The following SEPTIN11 variants were observed in gnomAD, a reference collection of about 807,000 sequenced individuals.
The protein encoded by SEPTIN11 is septin-11.
Under a neutral mutation model 51.4 loss-of-function variants are expected in SEPTIN11, and 25 were observed. That is an observed-to-expected ratio of 0.49 (90% CI 0.35 to 0.68). The LOEUF is 0.68. Ranked by LOEUF, SEPTIN11 falls within the 30% of genes least tolerant of loss-of-function variation. The probability of loss-of-function intolerance (pLI) is 0.00; values close to 1 mark genes in which losing one functional copy is unlikely to be tolerated. For missense variants in SEPTIN11, 381 were observed against 520.8 expected (o/e 0.73, Z 2.61); for synonymous variants, 174 against 184.1 (o/e 0.95, Z 0.44).
rs1578218470 is a variant in SEPTIN11 at position 77,036,543 on chromosome 4, G to T, written c.*2031G>T. 4.3e-6 allele frequency: 6 copies of T among 1,397,126 alleles called. No individual in the cohort carries two copies. In the South Asian group the frequency reaches 9.6e-5, roughly 22 times the overall value. 86.5% of individuals were successfully genotyped at this position (1,397,126 alleles called of 1,614,324 possible). A position where few individuals can be genotyped will look rare whatever the true frequency, so the allele number is the denominator to read the frequency against. ...ACGAAAGGCATCCAGCTGACTTTTT[G>T]ATTCCAAGATTATTGATTGGATTGA... is the stretch of plus-strand genomic sequence containing the variant. On this transcript the variant is annotated 3_prime_UTR_variant, in exon 10 of 10. Transcript: ENST00000264893.
chr4:77,034,794 G>C lies in SEPTIN11; in HGVS notation c.*282G>C. 1 of 1,133,538 alleles carries C rather than the reference G, an allele frequency of 8.8e-7. No individual in the cohort carries two copies. Among genetic ancestry groups the C allele is most frequent in the South Asian group, 4.0e-5 (1 of 25,020 alleles). 70.2% of individuals were successfully genotyped at this position (1,133,538 alleles called of 1,614,324 possible). ...CTGAATGGCAGCACGAAGCAGGCCT[G>C]TTACTTGTATGTCGCTTTGGACAGA... On this transcript the variant is annotated 3_prime_UTR_variant, in exon 10 of 10. Transcript: ENST00000264893.
At chr4:76,953,850 C>T (rs909115572) in intron 1 of SEPTIN11, among the ~76,000 whole-genome samples, 3 of 151,590 alleles carry the variant, frequency 2.0e-5, no homozygotes, top group African/African-American at 7.3e-5. Flanking sequence ...AAAAGGAGAC[C>T]CAAGGAATTG....
At chr4:77,023,762 A>G (rs1428037411) in intron 7 of SEPTIN11, among the ~76,000 whole-genome samples, 2 of 152,118 alleles carry the variant, frequency 1.3e-5, no homozygotes, top group Non-Finnish European at 2.9e-5. Context: ...AGCGGGAGGA[A>G]TGGAGTGAGG....
At chr4:76,996,004 T>G in intron 1 of SEPTIN11, 1 of 1,408,950 alleles carries the variant, frequency 7.1e-7, no homozygotes, top group Non-Finnish European at 9.7e-7. Context: ...TCAAAGTTCT[T>G]TTATGTATCT....
chr4:77,034,573 G>T lies in SEPTIN11; in HGVS notation c.*61G>T. On this transcript the variant is annotated 3_prime_UTR_variant, in exon 10 of 10. Transcript: ENST00000264893. ...GCTTTTGCAGTAATATCGTATCTCT[G>T]CCATGTGTGTTCTTTAGTTTTATTT... 6.7e-7 allele frequency: 1 copy of T among 1,485,358 alleles called. No individual in the cohort carries two copies. The allele number at this position is 1,485,358 out of a possible 1,614,324, so 92.0% of individuals were successfully genotyped here.
intron 1 of SEPTIN11, among the ~76,000 whole-genome samples, chr4:76,982,874 A>G (rs545824296): frequency 2.6e-5 from 4 of 152,024 alleles, no homozygotes; most frequent in Non-Finnish European, 5.9e-5. Context: ...AGAGGGATCT[A>G]GTTTACCATG....
In SEPTIN11 at chr4:77,007,205, C is replaced by T. The variant is rs141805856; in HGVS notation, c.338+1409C>T. 1.5e-3 allele frequency among the ~76,000 whole-genome samples: 226 copies of T among 152,272 alleles called. 2 individuals carry two copies. The highest frequency in any genetic ancestry group is 5.1e-3 in the African/African-American group (213 of 41,558). ...GGTCATAAGGAAAGGGGCACAAGTG[C>T]ATTGTGGGAGCTGGGAAGAGAGCCG... On this transcript the variant is annotated intron_variant, in intron 3 of 9. Coordinates refer to ENST00000264893, the MANE Select transcript of SEPTIN11 (RefSeq NM_018243.4).
intron 2 of SEPTIN11, among the ~76,000 whole-genome samples, chr4:77,002,470 G>A (rs548578645): frequency 6.6e-6 from 1 of 152,290 alleles, no homozygotes; most frequent in East Asian, 1.9e-4. Flanking sequence ...TTCCCATGAA[G>A]GAGAAACTTT....
At chr4:76,969,172 T>G (rs1274784608) in intron 1 of SEPTIN11, among the ~76,000 whole-genome samples, 1 of 152,198 alleles carries the variant, frequency 6.6e-6, no homozygotes, top group Non-Finnish European at 1.5e-5. Flanking sequence ...CTTTTCATGC[T>G]CAGTCTTGGT....
Position 77,036,116 on chromosome 4 carries a change from ATGGTCT to A in SEPTIN11, c.*1606_*1611del, listed in dbSNP as rs1727007655. 2 of 985,810 alleles carry A rather than the reference ATGGTCT, an allele frequency of 2.0e-6. No individual in the cohort carries two copies. Among genetic ancestry groups the A allele is most frequent in the South Asian group, 9.4e-5 (2 of 21,290 alleles). The allele number at this position is 985,810 out of a possible 1,614,324, so 61.1% of individuals were successfully genotyped here. A position where few individuals can be genotyped will look rare whatever the true frequency, so the allele number is the denominator to read the frequency against. ...CAACCATACTTAGAGGAAAGAAGGA[ATGGTCT>A]TCCATGAACTGATTATGCTTAATTA... On this transcript the variant is annotated 3_prime_UTR_variant, in exon 10 of 10. Coordinates refer to ENST00000264893, the MANE Select transcript of SEPTIN11 (RefSeq NM_018243.4).
chr4:77,014,383 C>T (rs1052224963), intron 4 of SEPTIN11, among the ~76,000 whole-genome samples: 2 of 152,082 alleles, frequency 1.3e-5, no homozygotes, highest in African/African-American at 2.4e-5. Flanking sequence ...TTAGGAGGTG[C>T]GAACTCAAGA....
chr4:76,969,404 A>G (rs1449050076), intron 1 of SEPTIN11, among the ~76,000 whole-genome samples: 1 of 152,184 alleles, frequency 6.6e-6, no homozygotes, highest in Non-Finnish European at 1.5e-5. Flanking sequence ...AATTTTTAAA[A>G]TAAGTGGCAT....
rs34041277 is a variant in SEPTIN11 at position 76,964,298 on chromosome 4, AT to A, written c.27+14387del. Among the ~76,000 whole-genome samples the A allele has an allele frequency of 4.5e-3, 604 of 133,378 alleles. 2 individuals carry two copies. The highest frequency in any genetic ancestry group is 7.5e-3 in the African/African-American group (269 of 35,760). 87.5% of individuals were successfully genotyped at this position (133,378 alleles called of 152,430 possible). ...CCCAGTCATCAATTCTTGGCCAATC[AT>A]TTTTTTTTTTTTTTTTTTGCATCTC... On this transcript the variant is annotated intron_variant, in intron 1 of 9. Transcript: ENST00000264893.
chr4:77,016,629 T>TATATATATAC (rs1327433380), intron 5 of SEPTIN11, among the ~76,000 whole-genome samples: 2 of 74,060 alleles, frequency 2.7e-5, no homozygotes, highest in East Asian at 4.2e-4. Context: ...TATATATATA[T>TATATATATAC]ACACATATAT....
chr4:77,008,284 TGG>T (rs1240372860), intron 3 of SEPTIN11, among the ~76,000 whole-genome samples: 2 of 152,150 alleles, frequency 1.3e-5, no homozygotes, highest in Admixed American at 6.6e-5. Flanking sequence ...ACTGGGGAGA[TGG>T]GAGGTGAGCT....
At position 76,984,031 on chromosome 4, in the gene SEPTIN11, G is replaced by T. The variant is rs1229399921; in HGVS notation, c.28-12394G>T. 6.6e-6 allele frequency among the ~76,000 whole-genome samples: 1 copy of T among 152,110 alleles called. No homozygotes were observed. Among genetic ancestry groups the T allele is most frequent in the Non-Finnish European group, 1.5e-5 (1 of 68,012 alleles). On this transcript the variant is annotated intron_variant, in intron 1 of 9. Coordinates refer to ENST00000264893, the MANE Select transcript of SEPTIN11 (RefSeq NM_018243.4). This position sits in a 1 kb window ranked among gnomAD's most constrained non-coding sequence, Gnocchi z 4.1. Reference sequence around the variant, plus strand: ...CAGGGAAAAAAAGAAAAGAAAAAAAGAACTCTTAGGAAGACTTGAGGATTT... The same window carrying T: ...CAGGGAAAAAAAGAAAAGAAAAAAATAACTCTTAGGAAGACTTGAGGATTT...
chr4:76,965,354 G>A (rs1438755142), intron 1 of SEPTIN11, among the ~76,000 whole-genome samples: 1 of 151,670 alleles, frequency 6.6e-6, no homozygotes, highest in Non-Finnish European at 1.5e-5. Context: ...GGGAGGCTGA[G>A]GATGGAGAAT....
intron 2 of SEPTIN11, among the ~76,000 whole-genome samples, chr4:77,002,194 C>A (rs960618779): frequency 2.0e-5 from 3 of 152,118 alleles, no homozygotes; most frequent in Non-Finnish European, 4.4e-5. Flanking sequence ...CATTGATTAA[C>A]CCTGTGCTGT....
At chr4:76,986,496 GT>G (rs1470454594) in intron 1 of SEPTIN11, among the ~76,000 whole-genome samples, 1 of 152,180 alleles carries the variant, frequency 6.6e-6, no homozygotes, top group Non-Finnish European at 1.5e-5. Context: ...AGATAAATAT[GT>G]TAATTAATTC....
Sources: gnomAD v4.1 joint callset for allele counts (sites outside exome capture counted in the v4.1 genomes callset) on GRCh38, gnomAD v4.1.1 for gene constraint, Gnocchi (gnomAD v3.1) non-coding constraint, MANE v1.5 for transcripts, NCBI Gene and HGNC (gene_info 2026-07-23, HGNC 2026-07-21) for gene names.